Variants in HPSE2 observed in about 807,000 individuals in gnomAD.
HPSE2 encodes the protein inactive heparanase-2.
Under a neutral mutation model 60.5 loss-of-function variants are expected in HPSE2, and 38 were observed. The ratio of observed to expected loss-of-function variants is 0.63; its 90% CI spans 0.48 to 0.82. The LOEUF is 0.82. Among genes scored for constraint, HPSE2 ranks in the 40% least tolerant of loss-of-function variants. The probability of loss-of-function intolerance (pLI) is 0.00; values close to 1 mark genes in which losing one functional copy is unlikely to be tolerated. For synonymous variants in HPSE2, 295 were observed against 293.2 expected (o/e 1.01, Z -0.06); for missense variants, 713 against 740.4 (o/e 0.96, Z 0.43).
At chr10:98,565,907 TAG>T (rs146731277) in intron 9 of HPSE2, among the ~76,000 whole-genome samples, 49 of 148,190 alleles carry the variant, frequency 3.3e-4, no homozygotes, top group Non-Finnish European at 3.7e-4. Flanking sequence ...CACCAAGAGG[TAG>T]AGAGAGAGAG....
intron 3 of HPSE2, among the ~76,000 whole-genome samples, chr10:99,116,916 G>A (rs1195805155): frequency 6.6e-6 from 1 of 152,028 alleles, no homozygotes; most frequent in Non-Finnish European, 1.5e-5. Context: ...CAAAGAGCAG[G>A]AGCCCCCAAA....
chr10:99,167,899 CTCATT>C (rs1847147603), intron 2 of HPSE2, among the ~76,000 whole-genome samples: 1 of 152,076 alleles, frequency 6.6e-6, no homozygotes, highest in African/African-American at 2.4e-5. Context: ...CTCTCTCTCT[CTCATT>C]TGATTTCTTT....
chr10:99,267,988 G>T, the HPSE2 span, among the ~76,000 whole-genome samples: 1 of 152,210 alleles, frequency 6.6e-6, no homozygotes, highest in African/African-American at 2.4e-5. Context: ...TCATCGCCTA[G>T]GCACATAGTC....
intron 3 of HPSE2, among the ~76,000 whole-genome samples, chr10:98,984,392 G>A (rs1176395173): frequency 3.3e-5 from 5 of 152,194 alleles, no homozygotes; most frequent in Non-Finnish European, 7.3e-5. Flanking sequence ...GATCTGGAGT[G>A]GACCTCCAGC....
chr10:98,629,794 G>A (rs1946312641), intron 7 of HPSE2, among the ~76,000 whole-genome samples: 1 of 152,166 alleles, frequency 6.6e-6, no homozygotes, highest in South Asian at 2.1e-4. Context: ...TGTGCTACAA[G>A]CAACTTGTTT....
chr10:98,943,770 A>T (rs1296345863), intron 3 of HPSE2, among the ~76,000 whole-genome samples: 1 of 152,142 alleles, frequency 6.6e-6, no homozygotes, highest in Non-Finnish European at 1.5e-5. Context: ...GGAACTGAGG[A>T]CTGTTAAAAA....
chr10:98,928,754 C>T (rs1415017671), intron 3 of HPSE2, among the ~76,000 whole-genome samples: 3 of 131,362 alleles, frequency 2.3e-5, no homozygotes, highest in Non-Finnish European at 4.6e-5. Flanking sequence ...AACCAAACAC[C>T]GCATATTCTC....
At chr10:99,033,190 AG>A (rs1957535850) in intron 3 of HPSE2, among the ~76,000 whole-genome samples, 1 of 152,258 alleles carries the variant, frequency 6.6e-6, no homozygotes, top group Non-Finnish European at 1.5e-5. Context: ...ATTTACAAAT[AG>A]AAAAAGGTCT....
chr10:98,803,421 C>T (rs1023438557), intron 3 of HPSE2, among the ~76,000 whole-genome samples: 5 of 150,996 alleles, frequency 3.3e-5, no homozygotes, highest in Non-Finnish European at 7.4e-5. Flanking sequence ...AATGGTAATG[C>T]CTAGGTTTTC....
At chr10:99,132,187 A>AGAAAGAGAGAG (rs1845431567) in intron 3 of HPSE2, among the ~76,000 whole-genome samples, 1 of 24,168 alleles carries the variant, frequency 4.1e-5, no homozygotes, top group African/African-American at 1.0e-4. Flanking sequence ...GAAAGAAAGA[A>AGAAAGAGAGAG]AGAAAGAGAG....
rs1323726959 is a variant in HPSE2 at position 98,459,051 on chromosome 10, T to A, written c.*523A>T. The A allele has an allele frequency of 5.2e-6, 1 of 192,358 alleles. No homozygotes were observed. The highest frequency in any genetic ancestry group is 1.1e-5 in the Non-Finnish European group (1 of 92,354). 11.9% of individuals were successfully genotyped at this position (192,358 alleles called of 1,614,324 possible). A position where few individuals can be genotyped will look rare whatever the true frequency, so the allele number is the denominator to read the frequency against. ...AGGCCAGGGCTGACACACCCATTAC[T>A]CCCCTATGGAAAGAGATGTGTCAAA... On this transcript the variant is annotated 3_prime_UTR_variant, in exon 12 of 12. Coordinates refer to ENST00000370552, the MANE Select transcript of HPSE2 (RefSeq NM_021828.5).
chr10:98,576,236 A>C (rs1944636421), intron 9 of HPSE2, among the ~76,000 whole-genome samples: 1 of 152,154 alleles, frequency 6.6e-6, no homozygotes, highest in Non-Finnish European at 1.5e-5. Flanking sequence ...GGAAACAATA[A>C]AAATTCTGGC....
At chr10:98,924,846 C>G (rs911279874) in intron 3 of HPSE2, among the ~76,000 whole-genome samples, 1 of 152,202 alleles carries the variant, frequency 6.6e-6, no homozygotes, top group East Asian at 1.9e-4. Flanking sequence ...GACCCCAGAG[C>G]ACTTTAGCCC....
chr10:98,650,007 G>T (rs183570680), intron 6 of HPSE2, among the ~76,000 whole-genome samples: 2 of 152,344 alleles, frequency 1.3e-5, no homozygotes, highest in East Asian at 3.9e-4. Flanking sequence ...GTGCTGAGCT[G>T]TTGCCAAGAA....
At chr10:99,031,532 T>C (rs1425739061) in intron 3 of HPSE2, among the ~76,000 whole-genome samples, 2 of 152,152 alleles carry the variant, frequency 1.3e-5, no homozygotes, top group Non-Finnish European at 2.9e-5. Context: ...TTTCTTCCTA[T>C]TCAGAGGGAA....
At chr10:98,839,902 T>TAATC (rs1565201618) in intron 3 of HPSE2, among the ~76,000 whole-genome samples, 1 of 152,256 alleles carries the variant, frequency 6.6e-6, no homozygotes, top group Non-Finnish European at 1.5e-5. Context: ...GCATTTAAGA[T>TAATC]AATCTTTGAG....
chr10:98,766,501 C>T (rs1950121535), intron 3 of HPSE2, among the ~76,000 whole-genome samples: 1 of 152,078 alleles, frequency 6.6e-6, no homozygotes, highest in African/African-American at 2.4e-5. Flanking sequence ...AGATATAAGC[C>T]AACATCTCTC....
chr10:98,947,201 T>C (rs898773415), intron 3 of HPSE2, among the ~76,000 whole-genome samples: 4 of 152,206 alleles, frequency 2.6e-5, no homozygotes, highest in Non-Finnish European at 4.4e-5. Flanking sequence ...AAGCCATCAC[T>C]GCAGCTATTC....
chr10:98,615,176 G>A (rs1424183374), intron 8 of HPSE2, among the ~76,000 whole-genome samples, 158 bp from the exon 9 acceptor site: 4 of 152,184 alleles, frequency 2.6e-5, no homozygotes, highest in African/African-American at 7.2e-5. Context: ...TAAGTTCACA[G>A]CTGTAATATA....
Sources: allele counts gnomAD v4.1 joint callset (sites outside exome capture counted in the v4.1 genomes callset), GRCh38; gene constraint gnomAD v4.1.1; transcripts MANE v1.5; gene names NCBI Gene and HGNC (gene_info 2026-07-23, HGNC 2026-07-21).